Variants in PTPRT observed in about 807,000 individuals in gnomAD.
PTPRT encodes the protein receptor-type tyrosine-protein phosphatase T.
Under a neutral mutation model 176.8 loss-of-function variants are expected in PTPRT, and 56 were observed. That is an observed-to-expected ratio of 0.32 (90% CI 0.26 to 0.40). The LOEUF (loss-of-function observed/expected upper bound fraction) is 0.40. PTPRT is among the 10% of genes least tolerant of loss of function. The pLI is 1.00. For synonymous variants in PTPRT, 783 were observed against 739.0 expected (o/e 1.06, Z -0.96); for missense variants, 1,540 against 1,908.2 (o/e 0.81, Z 3.60).
Position 42,728,481 on chromosome 20 carries a change from A to AGTCT in PTPRT, c.859+27977_859+27980dup, listed in dbSNP as rs528087780. Among the ~76,000 whole-genome samples, 345 of 152,312 alleles carry AGTCT rather than the reference A, an allele frequency of 2.3e-3. 3 individuals carry two copies. Among genetic ancestry groups the AGTCT allele is most frequent in the Admixed American group, 0.021 (315 of 15,302 alleles). On this transcript the variant is annotated intron_variant, in intron 6 of 30. Transcript: ENST00000373187. ...GTGGTGAGGCTAGATTTTGAAACCC[A>AGTCT]GTCTCTGAAGCCACAGCCTGGCTCC...
At chr20:43,143,151 G>A (rs2014069349) in intron 1 of PTPRT, among the ~76,000 whole-genome samples, 1 of 152,130 alleles carries the variant, frequency 6.6e-6, no homozygotes, top group Non-Finnish European at 1.5e-5. Context: ...TTCAGGGGTG[G>A]TGATCAGAAG....
At chr20:42,307,499 T>C (rs1568759143) in intron 12 of PTPRT, among the ~76,000 whole-genome samples, 1 of 152,186 alleles carries the variant, frequency 6.6e-6, no homozygotes, top group Non-Finnish European at 1.5e-5. Flanking sequence ...CAAACTGCCA[T>C]GTGATCTCCT....
intron 2 of PTPRT, among the ~76,000 whole-genome samples, chr20:42,794,229 C>T (rs1160298792): frequency 6.6e-6 from 1 of 152,142 alleles, no homozygotes; most frequent in Non-Finnish European, 1.5e-5. Context: ...TAGGGACATG[C>T]AACTGAGTTC....
chr20:42,977,071 A>C (rs902129700), intron 1 of PTPRT, among the ~76,000 whole-genome samples: 10 of 152,168 alleles, frequency 6.6e-5, no homozygotes, highest in African/African-American at 2.2e-4. Context: ...AAAATGTAGC[A>C]AGTGGTTCTG....
chr20:42,757,925 G>A (rs1001043017), intron 5 of PTPRT, among the ~76,000 whole-genome samples: 3 of 152,198 alleles, frequency 2.0e-5, no homozygotes, highest in Non-Finnish European at 4.4e-5. Context: ...CAGCCCCTGA[G>A]CTGGGTATTT....
At chr20:42,112,198 T>C (rs1987035887) in intron 22 of PTPRT, among the ~76,000 whole-genome samples, 1 of 152,164 alleles carries the variant, frequency 6.6e-6, no homozygotes, top group African/African-American at 2.4e-5. Context: ...TGGATTCAGG[T>C]GGGTGGATCG....
At chr20:42,985,337 A>G (rs751489002) in intron 1 of PTPRT, among the ~76,000 whole-genome samples, 9 of 152,226 alleles carry the variant, frequency 5.9e-5, no homozygotes, top group African/African-American at 9.6e-5. Flanking sequence ...TCTACTAAAA[A>G]TACAAAAATT....
At chr20:42,046,217 G>A in the PTPRT span, among the ~76,000 whole-genome samples, 1 of 152,200 alleles carries the variant, frequency 6.6e-6, no homozygotes, top group Non-Finnish European at 1.5e-5. Flanking sequence ...CCCCGAGCCT[G>A]CAAGTCTCCT....
intron 1 of PTPRT, among the ~76,000 whole-genome samples, chr20:42,985,514 G>A (rs749617068): frequency 6.6e-6 from 1 of 152,180 alleles, no homozygotes; most frequent in South Asian, 2.1e-4. Context: ...AATAAATAAA[G>A]TGGGGATACA....
At chr20:42,574,104 G>A (rs367665478) in intron 7 of PTPRT, among the ~76,000 whole-genome samples, 3 of 152,158 alleles carry the variant, frequency 2.0e-5, no homozygotes, top group African/African-American at 7.2e-5. Flanking sequence ...AGTTGGAGAA[G>A]CATTGAGCCT....
At chr20:42,723,007 G>A (rs1187028430) in intron 6 of PTPRT, among the ~76,000 whole-genome samples, 2 of 152,178 alleles carry the variant, frequency 1.3e-5, no homozygotes, top group Non-Finnish European at 2.9e-5. Context: ...GATACTGAAT[G>A]AGTGACTTTA....
intron 8 of PTPRT, among the ~76,000 whole-genome samples, chr20:42,454,686 TTTTAA>T (rs771518787): frequency 4.6e-5 from 7 of 152,368 alleles, no homozygotes; most frequent in African/African-American, 1.4e-4. Flanking sequence ...GAAAAACTTC[TTTTAA>T]TTTGTGTCTT....
intron 9 of PTPRT, among the ~76,000 whole-genome samples, chr20:42,433,177 C>G (rs1006195908): frequency 6.6e-6 from 1 of 152,126 alleles, no homozygotes; most frequent in Non-Finnish European, 1.5e-5. Context: ...ACACCATCTG[C>G]TTTATCTTCT....
chr20:42,503,707 CT>C (rs2071795648), intron 7 of PTPRT, among the ~76,000 whole-genome samples: 1 of 151,962 alleles, frequency 6.6e-6, no homozygotes, highest in South Asian at 2.1e-4. Context: ...TCATATAAAT[CT>C]TTTCTTTATT....
chr20:42,435,667 A>G (rs1274184415), intron 9 of PTPRT, among the ~76,000 whole-genome samples: 1 of 152,258 alleles, frequency 6.6e-6, no homozygotes, highest in Non-Finnish European at 1.5e-5. Flanking sequence ...GAAAACCTAA[A>G]TAAATATACA....
rs190802933 is a variant in PTPRT, at chr20:42,824,190, C to G, written c.215-32724G>C. Among the ~76,000 whole-genome samples the G allele has an allele frequency of 1.3e-4, 20 of 151,994 alleles. 1 individual carries two copies. The highest frequency in any genetic ancestry group is 1.3e-3 in the Admixed American group (20 of 15,244). On this transcript the variant is annotated intron_variant, in intron 2 of 30. Transcript: ENST00000373187. The stretch of plus-strand genomic sequence containing the variant: ...TCAATAAAGTCAAGATGGAAATTAT[C>G]ACAAAAATAATTTGAGCAATATTTT...
At chr20:43,000,159 C>G (rs1326744872) in intron 1 of PTPRT, among the ~76,000 whole-genome samples, 2 of 151,906 alleles carry the variant, frequency 1.3e-5, no homozygotes, top group African/African-American at 4.8e-5. Flanking sequence ...ACCCTTTCTT[C>G]TTTTCCCAAT....
At chr20:42,182,525 T>C (rs1384612286) in intron 16 of PTPRT, among the ~76,000 whole-genome samples, 2 of 152,222 alleles carry the variant, frequency 1.3e-5, no homozygotes, top group East Asian at 1.9e-4. Context: ...GAGACAGAAG[T>C]GACTGTTAGT....
chr20:42,055,645 C>T, the PTPRT span, among the ~76,000 whole-genome samples: 3 of 152,276 alleles, frequency 2.0e-5, no homozygotes, highest in East Asian at 5.8e-4. Context: ...CTTATTTCCT[C>T]TTGTCTTCCC....
Sources: allele counts gnomAD v4.1 joint callset (sites outside exome capture counted in the v4.1 genomes callset), GRCh38; gene constraint gnomAD v4.1.1; transcripts MANE v1.5; gene names NCBI Gene and HGNC (gene_info 2026-07-23, HGNC 2026-07-21).